GALNT18: variants seen among roughly 807,000 people sequenced by gnomAD.
The protein encoded by GALNT18 is GalNAc-transferase 18.
GALNT18 carries 44 observed loss-of-function variants against 69.5 expected under a neutral mutation model. The ratio of observed to expected loss-of-function variants is 0.63; its 90% CI spans 0.50 to 0.81. The LOEUF is 0.81. Among genes scored for constraint, GALNT18 ranks in the 40% least tolerant of loss-of-function variants. GALNT18 has a pLI of 0.00. For synonymous variants in GALNT18, 364 were observed against 318.2 expected (o/e 1.14, Z -1.53); for missense variants, 715 against 810.0 (o/e 0.88, Z 1.42).
At position 11,348,382 on chromosome 11, in the gene GALNT18, A is replaced by G. The variant is rs35122347; in HGVS notation, c.1093-7378T>C. 4.1e-3 allele frequency among the ~76,000 whole-genome samples: 487 copies of G among 120,148 alleles called. 3 individuals are homozygous for G. Among genetic ancestry groups the G allele is most frequent in the African/African-American group, 0.02 (474 of 23,536 alleles). The allele number at this position is 120,148 out of a possible 152,430, so 78.8% of individuals were successfully genotyped here. A position where few individuals can be genotyped will look rare whatever the true frequency, so the allele number is the denominator to read the frequency against. ...GGCAAGAGCAAGACTTCGTCTCAGGAAAAAAAAAAAAAAAAAAAAAAGGAA... is the reference window on the plus strand; with the variant it reads ...GGCAAGAGCAAGACTTCGTCTCAGGGAAAAAAAAAAAAAAAAAAAAAGGAA... On this transcript the variant is annotated intron_variant, in intron 6 of 10. Coordinates refer to ENST00000227756, the MANE Select transcript of GALNT18 (RefSeq NM_198516.3).
chr11:11,553,729 C>T (rs530190779), intron 1 of GALNT18, among the ~76,000 whole-genome samples: 6 of 152,194 alleles, frequency 3.9e-5, no homozygotes, highest in Non-Finnish European at 7.3e-5. Flanking sequence ...CACTGCTAAC[C>T]AGCTGCCCCC....
intron 1 of GALNT18, among the ~76,000 whole-genome samples, chr11:11,460,278 C>A (rs543668243): frequency 1.2e-4 from 18 of 152,284 alleles, no homozygotes; most frequent in African/African-American, 4.1e-4. Flanking sequence ...AGCAAGAGTC[C>A]AATCATTGTG....
At chr11:11,381,610 G>A (rs1387772020) in intron 3 of GALNT18, among the ~76,000 whole-genome samples, 3 of 152,198 alleles carry the variant, frequency 2.0e-5, no homozygotes, top group Non-Finnish European at 4.4e-5. Context: ...CACAGCAAGA[G>A]GGACCCTGCG....
intron 1 of GALNT18, among the ~76,000 whole-genome samples, chr11:11,457,697 G>A (rs1026346230): frequency 1.3e-5 from 2 of 152,166 alleles, no homozygotes; most frequent in South Asian, 2.1e-4. Context: ...CTTGTCCCTC[G>A]GTTTGTGCAC....
At chr11:11,327,321 C>A in intron 8 of GALNT18, 140 bp from the exon 9 acceptor site, 1 of 650,924 alleles carries the variant, frequency 1.5e-6, no homozygotes. Flanking sequence ...ACTATAGAAC[C>A]AACAAGCACC....
intron 9 of GALNT18, among the ~76,000 whole-genome samples, chr11:11,296,968 C>T (rs1186458258): frequency 6.6e-6 from 1 of 152,196 alleles, no homozygotes; most frequent in Non-Finnish European, 1.5e-5. Flanking sequence ...GCAGTCCCAG[C>T]AAGCATAGCT....
At position 11,436,958 on chromosome 11, in the gene GALNT18, C is replaced by G. The variant is rs773443990; in HGVS notation, c.429-4171G>C. On this transcript the variant is annotated intron_variant, in intron 2 of 10. Coordinates refer to ENST00000227756, the MANE Select transcript of GALNT18 (RefSeq NM_198516.3). This position sits in a 1 kb window ranked among gnomAD's most constrained non-coding sequence, Gnocchi z 4.5. ...GACCCAGTGGCCTTTGCTCCCAAAT[C>G]TGTACTGCTAAGATGCCCTCCCAGA... Among the ~76,000 whole-genome samples the G allele has an allele frequency of 2.0e-5, 3 of 152,224 alleles. No individual in the cohort carries two copies. The highest frequency in any genetic ancestry group is 2.9e-5 in the Non-Finnish European group (2 of 68,044).
At chr11:11,291,951 A>G (rs888905053) in intron 10 of GALNT18, among the ~76,000 whole-genome samples, 10 of 152,174 alleles carry the variant, frequency 6.6e-5, no homozygotes, top group African/African-American at 2.2e-4. Flanking sequence ...CACCCTTGCT[A>G]CAGGGAGAGT....
At position 11,377,127 on chromosome 11, in the gene GALNT18, G is replaced by C; in HGVS notation, c.977+55C>G. The stretch of plus-strand genomic sequence containing the variant: ...GAGAATAAGCATTGGACCAGTAGGC[G>C]GTCCCTAGCCTGGAGGTCAAAGCGG... On this transcript the variant is annotated intron_variant, in intron 5 of 10. Transcript: ENST00000227756. The surrounding 1 kb of genome is among the most constrained non-coding windows in gnomAD (Gnocchi z 4.6). The C allele has an allele frequency of 6.5e-7, 1 of 1,533,542 alleles. No individual in the cohort carries two copies. The highest frequency in any genetic ancestry group is 9.0e-7 in the Non-Finnish European group (1 of 1,111,490). 95.0% of individuals were successfully genotyped at this position (1,533,542 alleles called of 1,614,324 possible).
intron 9 of GALNT18, among the ~76,000 whole-genome samples, chr11:11,304,602 C>T (rs1280345752): frequency 6.6e-6 from 1 of 152,192 alleles, no homozygotes; most frequent in Non-Finnish European, 1.5e-5. Context: ...CAGCTTGTGA[C>T]AGTCAATTCA....
intron 1 of GALNT18, among the ~76,000 whole-genome samples, chr11:11,452,262 T>C (rs1855817597): frequency 6.6e-6 from 1 of 152,248 alleles, no homozygotes; most frequent in Non-Finnish European, 1.5e-5. Flanking sequence ...CCTCCAGCTC[T>C]ACCATTTGCC....
At chr11:11,427,616 A>G (rs1377199253) in intron 3 of GALNT18, among the ~76,000 whole-genome samples, 5 of 152,194 alleles carry the variant, frequency 3.3e-5, no homozygotes, top group African/African-American at 1.2e-4. Context: ...GATAAGGAAA[A>G]TAGGGTTCGC....
At chr11:11,406,292 T>C (rs998946785) in intron 3 of GALNT18, among the ~76,000 whole-genome samples, 3 of 152,246 alleles carry the variant, frequency 2.0e-5, no homozygotes, top group South Asian at 2.1e-4. Flanking sequence ...ATAATCATCA[T>C]AATGTCTGCA....
chr11:11,405,627 T>C (rs566943123), intron 3 of GALNT18, among the ~76,000 whole-genome samples: 62 of 152,296 alleles, frequency 4.1e-4, no homozygotes, highest in African/African-American at 1.4e-3. Flanking sequence ...CATTTTCTCC[T>C]TAGGAAAGTT....
Position 11,436,225 on chromosome 11 carries a change from C to T in GALNT18, c.429-3438G>A, listed in dbSNP as rs1396736377. Among the ~76,000 whole-genome samples, 1 of 152,242 alleles carries T rather than the reference C, an allele frequency of 6.6e-6. No homozygotes were observed. Among genetic ancestry groups the T allele is most frequent in the Non-Finnish European group, 1.5e-5 (1 of 68,046 alleles). The stretch of plus-strand genomic sequence containing the variant: ...TGACCATGAATGAGCCACCTTCCCT[C>T]TCTGCTCTATGTCTTGGTCACAGAA... On this transcript the variant is annotated intron_variant, in intron 2 of 10. Transcript: ENST00000227756. This position sits in a 1 kb window ranked among gnomAD's most constrained non-coding sequence, Gnocchi z 4.5.
chr11:11,293,927 C>CACAT (rs35082682), intron 9 of GALNT18, among the ~76,000 whole-genome samples: 23,697 of 151,964 alleles, frequency 0.16, 1,956 homozygotes, highest in East Asian at 0.23. Context: ...AGATGTATAA[C>CACAT]AATTTCCATG....
intron 2 of GALNT18, among the ~76,000 whole-genome samples, chr11:11,438,407 G>C (rs1201656482): frequency 6.6e-6 from 1 of 152,170 alleles, no homozygotes; most frequent in Non-Finnish European, 1.5e-5. Flanking sequence ...GGAATACTCA[G>C]AAATAATACT....
chr11:11,528,217 A>G (rs1857561745), intron 1 of GALNT18, among the ~76,000 whole-genome samples: 1 of 152,224 alleles, frequency 6.6e-6, no homozygotes, highest in Admixed American at 6.5e-5. Context: ...GAAATGCAGA[A>G]TAATATTGTG....
At chr11:11,423,739 T>A (rs76517192) in intron 3 of GALNT18, among the ~76,000 whole-genome samples, 3,221 of 152,326 alleles carry the variant, frequency 0.021, 121 homozygotes, top group African/African-American at 0.072. Context: ...GCCTGTTTAA[T>A]GGTAAAGGGT....
Sources: gnomAD v4.1 joint callset for allele counts (sites outside exome capture counted in the v4.1 genomes callset) on GRCh38, gnomAD v4.1.1 for gene constraint, Gnocchi (gnomAD v3.1) non-coding constraint, MANE v1.5 for transcripts, NCBI Gene and HGNC (gene_info 2026-07-23, HGNC 2026-07-21) for gene names.